Variants in SLC35F2 observed in about 807,000 individuals in gnomAD.
SLC35F2 encodes queuine/queuosine transporter SLC35F2.
A neutral mutation model predicts 38.1 loss-of-function variants in SLC35F2; 25 were observed. The ratio of observed to expected loss-of-function variants is 0.66; its 90% CI spans 0.48 to 0.92. The LOEUF (loss-of-function observed/expected upper bound fraction) is 0.92. SLC35F2 is among the 40% of genes least tolerant of loss of function. The pLI is 0.00. For missense variants in SLC35F2, 409 were observed against 452.9 expected, an observed-to-expected ratio of 0.90 and a Z score of 0.88; for synonymous variants, 173 against 181.7, an observed-to-expected ratio of 0.95 and a Z score of 0.38.
At chr11:107,840,351 C>A (rs913480792) in intron 1 of SLC35F2, among the ~76,000 whole-genome samples, 3 of 152,194 alleles carry the variant, frequency 2.0e-5, no homozygotes, top group African/African-American at 7.2e-5. Flanking sequence ...CAGTCTGGCA[C>A]AGGGACTGAG....
chr11:107,858,066 C>G (rs1205948102), intron 1 of SLC35F2, among the ~76,000 whole-genome samples: 3 of 152,220 alleles, frequency 2.0e-5, no homozygotes, highest in Non-Finnish European at 4.4e-5. Context: ...TCGCACAGAG[C>G]ATAGTGATAC....
At chr11:107,836,524 ACTTTAAAAGCAAAAACGTTTCCCAG>A (rs1280462647) in intron 1 of SLC35F2, among the ~76,000 whole-genome samples, 1 of 152,214 alleles carries the variant, frequency 6.6e-6, no homozygotes, top group Non-Finnish European at 1.5e-5. Flanking sequence ...ATCACATGAG[ACTTTAAAAGCAAAAACGTTTCCCAG>A]CTGTAGTCAG....
intron 7 of SLC35F2, among the ~76,000 whole-genome samples, chr11:107,797,109 G>T (rs1764993408): frequency 6.6e-6 from 1 of 152,248 alleles, no homozygotes; most frequent in East Asian, 1.9e-4. Flanking sequence ...ACTCTGACTT[G>T]TACACAGTCT....
intron 3 of SLC35F2, among the ~76,000 whole-genome samples, chr11:107,808,050 G>A (rs1859425496): frequency 6.6e-6 from 1 of 152,186 alleles, no homozygotes. Context: ...AGCTAGAAAG[G>A]ACATGGAATA....
chr11:107,794,726 A>G (rs1403999765), intron 7 of SLC35F2, among the ~76,000 whole-genome samples: 1 of 152,186 alleles, frequency 6.6e-6, no homozygotes, highest in Non-Finnish European at 1.5e-5. Context: ...AGAAAAAGAA[A>G]TAAGAGGCAT....
rs563667552 is a variant in SLC35F2, at chr11:107,853,457, G to A, written c.110+5201C>T. On this transcript the variant is annotated intron_variant, in intron 1 of 7. Transcript: ENST00000525815. The stretch of plus-strand genomic sequence containing the variant: ...AATGAGGCCGGGCGCGGTGGCTCAC[G>A]CCTGTAATCCCAGCACTTTGGGAGG... Among the ~76,000 whole-genome samples, 13 of 152,170 alleles carry A rather than the reference G, an allele frequency of 8.5e-5. No homozygotes were observed. In the East Asian group the frequency reaches 1.9e-3, roughly 23 times the overall value.
intron 2 of SLC35F2, among the ~76,000 whole-genome samples, chr11:107,814,218 C>T (rs961186528): frequency 1.3e-5 from 2 of 151,962 alleles, no homozygotes; most frequent in African/African-American, 2.4e-5. Flanking sequence ...CTATAATCCC[C>T]GCACTTTGGG....
intron 1 of SLC35F2, among the ~76,000 whole-genome samples, chr11:107,830,035 G>A (rs1210729519): frequency 6.6e-6 from 1 of 152,000 alleles, no homozygotes; most frequent in Non-Finnish European, 1.5e-5. Context: ...GCCAAGGCGG[G>A]AGGATCACCT....
intron 7 of SLC35F2, chr11:107,793,033 C>T (rs938714756): frequency 1.9e-6 from 1 of 528,822 alleles, no homozygotes; most frequent in Non-Finnish European, 2.4e-6. Flanking sequence ...CCTCCCGCCT[C>T]AACCTCCAGA....
chr11:107,791,767 T>C lies in SLC35F2; in HGVS notation c.*848A>G, dbSNP rs1859135793. 6.6e-6 allele frequency: 1 copy of C among 152,112 alleles called. No homozygotes were observed. The highest frequency in any genetic ancestry group is 6.6e-5 in the Admixed American group (1 of 15,250). 9.4% of individuals were successfully genotyped at this position (152,112 alleles called of 1,614,324 possible). ...GGCTCAAGCCTGTAATCCCAGCACTTTGGGAGGTCGGGGCAGGCAGATCAC... is the reference window on the plus strand; with the variant it reads ...GGCTCAAGCCTGTAATCCCAGCACTCTGGGAGGTCGGGGCAGGCAGATCAC... On this transcript the variant is annotated 3_prime_UTR_variant, in exon 8 of 8. Coordinates refer to ENST00000525815, the MANE Select transcript of SLC35F2 (RefSeq NM_017515.5).
At position 107,814,236 on chromosome 11, in the gene SLC35F2, G is replaced by T. The variant is rs193090030; in HGVS notation, c.286+1554C>A. Among the ~76,000 whole-genome samples the T allele has an allele frequency of 5.8e-4, 88 of 152,158 alleles. 1 individual carries two copies. Among genetic ancestry groups the T allele is most frequent in the African/African-American group, 2.1e-3 (86 of 41,518 alleles). On this transcript the variant is annotated intron_variant, in intron 2 of 7. Transcript: ENST00000525815. ...TAATCCCCGCACTTTGGGAGGCCGA[G>T]GCAGACAGATCACGTAAGGTCAGGA...
At chr11:107,857,799 C>G (rs1314049542) in intron 1 of SLC35F2, among the ~76,000 whole-genome samples, 1 of 152,130 alleles carries the variant, frequency 6.6e-6, no homozygotes, top group Non-Finnish European at 1.5e-5. Flanking sequence ...TGGCCTTGGG[C>G]AAATTGCTTA....
chr11:107,803,301 G>T, intron 6 of SLC35F2, 146 bp from the exon 7 acceptor site: 1 of 1,319,100 alleles, frequency 7.6e-7, no homozygotes, highest in South Asian at 2.4e-5. Context: ...TTGAAAATGA[G>T]ACCATAAAGC....
chr11:107,826,921 C>T (rs1262727412), intron 1 of SLC35F2, among the ~76,000 whole-genome samples: 1 of 151,054 alleles, frequency 6.6e-6, no homozygotes, highest in East Asian at 1.9e-4. Context: ...CTGTGGAATA[C>T]AGAAAATAAG....
chr11:107,811,546 C>T (rs1859479726), intron 3 of SLC35F2, 121 bp downstream of exon 3: 5 of 900,552 alleles, frequency 5.6e-6, no homozygotes, highest in Non-Finnish European at 8.3e-6. Context: ...AAACAGCATC[C>T]ACCTGTGTTT....
intron 3 of SLC35F2, among the ~76,000 whole-genome samples, chr11:107,808,945 A>G (rs756650050): frequency 3.9e-5 from 6 of 152,192 alleles, no homozygotes; most frequent in Admixed American, 6.5e-5. Context: ...AATTTGCTCT[A>G]TCTTTAACAA....
rs1411931259 is a variant in SLC35F2, at chr11:107,803,234, T to C, written c.785-79A>G. On this transcript the variant is annotated intron_variant, in intron 6 of 7. Transcript: ENST00000525815. Reference sequence around the variant, plus strand: ...AGGAGTTTGAGGCTTAGCTGTCATATAAAACTCCCTAACCCTTTAACATAT... The same window carrying C: ...AGGAGTTTGAGGCTTAGCTGTCATACAAAACTCCCTAACCCTTTAACATAT... 1.1e-5 allele frequency: 16 copies of C among 1,453,804 alleles called. No individual in the cohort carries two copies. The Admixed American group carries it at 4.3e-4, about 39-fold the overall frequency. The allele number at this position is 1,453,804 out of a possible 1,614,324, so 90.1% of individuals were successfully genotyped here.
chr11:107,809,281 C>T (rs1312475219), intron 3 of SLC35F2, among the ~76,000 whole-genome samples: 2 of 142,942 alleles, frequency 1.4e-5, no homozygotes, highest in African/African-American at 5.2e-5. Context: ...GTCAGGAGTT[C>T]GAGACCAGCC....
chr11:107,807,407 C>A (rs1334169590), intron 3 of SLC35F2, among the ~76,000 whole-genome samples: 1 of 151,730 alleles, frequency 6.6e-6, no homozygotes, highest in African/African-American at 2.4e-5. Context: ...TGTGATGGTG[C>A]CACTGCACTC....
Sources: allele counts gnomAD v4.1 joint callset (sites outside exome capture counted in the v4.1 genomes callset), GRCh38; gene constraint gnomAD v4.1.1; transcripts MANE v1.5; gene names NCBI Gene and HGNC (gene_info 2026-07-23, HGNC 2026-07-21).